CDH4: variants seen among roughly 807,000 people sequenced by gnomAD.
The protein encoded by CDH4 is cadherin-4.
CDH4 carries 33 observed loss-of-function variants against 86.0 expected under a neutral mutation model. The observed-to-expected ratio is 0.38, with a 90% CI of 0.29 to 0.51. The LOEUF is 0.51. Ranked by LOEUF, CDH4 falls within the 20% of genes least tolerant of loss-of-function variation. CDH4 has a pLI of 0.86. For synonymous variants in CDH4, 555 were observed against 549.4 expected (o/e 1.01, Z -0.14); for missense variants, 1,114 against 1,307.4 (o/e 0.85, Z 2.28).
At chr20:61,257,517 G>A (rs2084105319) in intron 2 of CDH4, among the ~76,000 whole-genome samples, 2 of 152,208 alleles carry the variant, frequency 1.3e-5, no homozygotes, top group Non-Finnish European at 2.9e-5. Context: ...CCGAGACGCC[G>A]CTCCTGTGTC....
chr20:61,832,112 G>A (rs1375407582), intron 4 of CDH4, among the ~76,000 whole-genome samples: 5 of 152,232 alleles, frequency 3.3e-5, no homozygotes. Context: ...CTGCTTCAAG[G>A]CTGGGGTAAG....
chr20:61,401,507 G>A (rs145182343), intron 2 of CDH4, among the ~76,000 whole-genome samples: 12 of 152,282 alleles, frequency 7.9e-5, no homozygotes, highest in Middle Eastern at 3.4e-3. Context: ...ACTCGTGCTC[G>A]TGCAGCCAAG....
chr20:61,781,717 G>A (rs1295203620), intron 4 of CDH4, among the ~76,000 whole-genome samples: 1 of 152,210 alleles, frequency 6.6e-6, no homozygotes, highest in South Asian at 2.1e-4. Context: ...AATAATGATT[G>A]AGACTTTCCC....
At chr20:61,752,855 C>T (rs1051415224) in intron 3 of CDH4, among the ~76,000 whole-genome samples, 5 of 152,226 alleles carry the variant, frequency 3.3e-5, no homozygotes, top group East Asian at 3.9e-4. Flanking sequence ...GAGTTACAGT[C>T]GGTTGAGGGT....
intron 4 of CDH4, among the ~76,000 whole-genome samples, chr20:61,776,419 G>A (rs144603444): frequency 3.9e-5 from 6 of 152,292 alleles, no homozygotes; most frequent in Admixed American, 1.3e-4. Context: ...TGCAAATTCC[G>A]TGCTCCCAGG....
chr20:61,836,745 G>A (rs1280504509), intron 4 of CDH4, among the ~76,000 whole-genome samples: 3 of 152,208 alleles, frequency 2.0e-5, no homozygotes, highest in African/African-American at 4.8e-5. Flanking sequence ...TCACGTCGCC[G>A]AATCTTGCTG....
chr20:61,499,437 G>A (rs928327488), intron 2 of CDH4: 18 of 1,288,852 alleles, frequency 1.4e-5, no homozygotes, highest in Non-Finnish European at 1.8e-5. Flanking sequence ...AGGATTCGAT[G>A]AACGGCAGCT....
chr20:61,932,155 G>C (rs2055118690), intron 13 of CDH4, among the ~76,000 whole-genome samples: 1 of 152,154 alleles, frequency 6.6e-6, no homozygotes, highest in Non-Finnish European at 1.5e-5. Context: ...CACCTCCTCT[G>C]ACAAAGCCAT....
At chr20:61,454,672 C>G (rs2085398260) in intron 2 of CDH4, among the ~76,000 whole-genome samples, 1 of 152,186 alleles carries the variant, frequency 6.6e-6, no homozygotes, top group Non-Finnish European at 1.5e-5. Context: ...GTCTCGATCT[C>G]CTGACCTCGT....
At chr20:61,571,887 C>T (rs2086344781) in intron 2 of CDH4, among the ~76,000 whole-genome samples, 8 of 152,100 alleles carry the variant, frequency 5.3e-5, no homozygotes, top group Admixed American at 3.9e-4. Context: ...GTGTCCCTAC[C>T]TCGGCTCTGT....
At chr20:61,445,252 C>T (rs988483783) in intron 2 of CDH4, among the ~76,000 whole-genome samples, 2 of 152,102 alleles carry the variant, frequency 1.3e-5, no homozygotes, top group African/African-American at 4.8e-5. Flanking sequence ...GAACAATATC[C>T]AGGAACCAAG....
chr20:61,919,005 G>C (rs2054937397), intron 9 of CDH4, among the ~76,000 whole-genome samples: 1 of 152,134 alleles, frequency 6.6e-6, no homozygotes, highest in African/African-American at 2.4e-5. Flanking sequence ...TGGGTAGCTG[G>C]GACTACAGGT....
At chr20:61,677,705 A>T (rs1325678313) in intron 2 of CDH4, among the ~76,000 whole-genome samples, 5 of 152,006 alleles carry the variant, frequency 3.3e-5, no homozygotes. Context: ...AGACGGACGG[A>T]TGGATGGATG....
rs1182679125 is a variant in CDH4 at position 61,565,376 on chromosome 20, TCCTCTTGGTGATGG to T, written c.170-178186_170-178173del. Among the ~76,000 whole-genome samples, 15 of 31,472 alleles carry T rather than the reference TCCTCTTGGTGATGG, an allele frequency of 4.8e-4. 1 individual carries two copies. Among genetic ancestry groups the T allele is most frequent in the Admixed American group, 2.2e-3 (7 of 3,208 alleles). 20.6% of individuals were successfully genotyped at this position (31,472 alleles called of 152,430 possible). A position where few individuals can be genotyped will look rare whatever the true frequency, so the allele number is the denominator to read the frequency against. On this transcript the variant is annotated intron_variant, in intron 2 of 15. Transcript: ENST00000614565. ...GGTGATGGGGTGATGGTGGTGGTGGTCCTCTTGGTGATGGGGTGATGGTGGTGGCGGTGCTCTTG... is the reference window on the plus strand; with the variant it reads ...GGTGATGGGGTGATGGTGGTGGTGGTGGTGATGGTGGTGGCGGTGCTCTTG...
chr20:61,736,903 C>T lies in CDH4; in HGVS notation c.170-6660C>T, dbSNP rs897752037. Among the ~76,000 whole-genome samples the T allele has an allele frequency of 2.6e-5, 4 of 152,128 alleles. No individual in the cohort carries two copies. The East Asian group carries it at 5.8e-4, about 22-fold the overall frequency. ...CACTGCCGAAGACGTGGGTGACAGG[C>T]GGGGGCCAGCCGCATCCCAGCCCGG... On this transcript the variant is annotated intron_variant, in intron 2 of 15. Coordinates refer to ENST00000614565, the MANE Select transcript of CDH4 (RefSeq NM_001794.5).
intron 2 of CDH4, among the ~76,000 whole-genome samples, chr20:61,357,139 C>T (rs779235853): frequency 6.6e-6 from 1 of 152,218 alleles, no homozygotes; most frequent in Non-Finnish European, 1.5e-5. Context: ...CTTGGGAATA[C>T]ACTGCTAGGA....
intron 4 of CDH4, among the ~76,000 whole-genome samples, chr20:61,779,162 C>T (rs1039152801): frequency 6.6e-6 from 1 of 152,224 alleles, no homozygotes; most frequent in Non-Finnish European, 1.5e-5. Flanking sequence ...GCATCTATTG[C>T]TTGGCTGAGT....
intron 2 of CDH4, among the ~76,000 whole-genome samples, chr20:61,406,987 AC>A (rs1252712760): frequency 1.6e-5 from 2 of 126,396 alleles, no homozygotes; most frequent in East Asian, 5.0e-4. Flanking sequence ...CTCTTCTTGG[AC>A]CACCATCTGC....
Position 61,565,214 on chromosome 20 carries a change from T to TTGGTGA in CDH4, c.170-178349_170-178348insTGGTGA, listed in dbSNP as rs1568688420. Among the ~76,000 whole-genome samples the TTGGTGA allele has an allele frequency of 5.1e-4, 16 of 31,300 alleles. 1 individual carries two copies. Among genetic ancestry groups the TTGGTGA allele is most frequent in the Non-Finnish European group, 8.7e-4 (15 of 17,196 alleles). 20.5% of individuals were successfully genotyped at this position (31,300 alleles called of 152,430 possible). A position where few individuals can be genotyped will look rare whatever the true frequency, so the allele number is the denominator to read the frequency against. ...CCTCTTGGTGGTGGTCGCGGTGCTC[T>TTGGTGA]CGGTGGTAGGTGGTGGTGGTGGTGG... On this transcript the variant is annotated intron_variant, in intron 2 of 15. Transcript: ENST00000614565.
Sources: gnomAD v4.1 joint callset for allele counts (sites outside exome capture counted in the v4.1 genomes callset) on GRCh38, gnomAD v4.1.1 for gene constraint, MANE v1.5 for transcripts, NCBI Gene and HGNC (gene_info 2026-07-23, HGNC 2026-07-21) for gene names.